ZNF525: variants seen among roughly 807,000 people sequenced by gnomAD.
ZNF525 encodes the protein zinc finger protein 525.
A neutral mutation model predicts 37.6 loss-of-function variants in ZNF525; 33 were observed. The ratio of observed to expected loss-of-function variants is 0.88; its 90% CI spans 0.67 to 1.17. The LOEUF (loss-of-function observed/expected upper bound fraction) is 1.17, where lower values mean the gene tolerates loss of function less well. Among genes scored for constraint, ZNF525 ranks in the 50% most tolerant of loss-of-function variants. The probability of loss-of-function intolerance (pLI) is 0.00; values close to 1 mark genes in which losing one functional copy is unlikely to be tolerated. For synonymous variants in ZNF525, 170 were observed against 182.3 expected, an observed-to-expected ratio of 0.93 and a Z score of 0.54; for missense variants, 449 against 543.1, an observed-to-expected ratio of 0.83 and a Z score of 1.72.
rs2085576655 is a variant in ZNF525, at chr19:53,382,783, T to G, written c.*764T>G. On this transcript the variant is annotated 3_prime_UTR_variant, in exon 4 of 4. Transcript: ENST00000474037. Reference sequence around the variant, plus strand: ...TCAGACATCGTTCATACCTTGCAGTTCACGGGCGAACTCATGCTGGAGAGA... The same window carrying G: ...TCAGACATCGTTCATACCTTGCAGTGCACGGGCGAACTCATGCTGGAGAGA... 9.4e-7 allele frequency: 1 copy of G among 1,063,310 alleles called. No individual in the cohort carries two copies. The highest frequency in any genetic ancestry group is 1.6e-5 in the African/African-American group (1 of 63,772). 65.9% of individuals were successfully genotyped at this position (1,063,310 alleles called of 1,614,324 possible).
In ZNF525 at chr19:53,383,388, G is replaced by A. The variant is rs1479537452; in HGVS notation, c.*1369G>A. ...ACGTCATCATAGAATTCATACTGGA[G>A]AGAAACCTTAGAAATGTGAAGAATG... On this transcript the variant is annotated 3_prime_UTR_variant, in exon 4 of 4. Coordinates refer to ENST00000474037, the MANE Select transcript of ZNF525 (RefSeq NM_001348156.2). The A allele has an allele frequency of 1.7e-6, 2 of 1,146,118 alleles. No homozygotes were observed. Among genetic ancestry groups the A allele is most frequent in the Non-Finnish European group, 1.3e-6 (1 of 794,244 alleles). 71.0% of individuals were successfully genotyped at this position (1,146,118 alleles called of 1,614,324 possible). A position where few individuals can be genotyped will look rare whatever the true frequency, so the allele number is the denominator to read the frequency against.
At position 53,385,126 on chromosome 19, in the gene ZNF525, T is replaced by C. The variant is rs1233712716; in HGVS notation, c.*3107T>C. 2.0e-6 allele frequency: 1 copy of C among 496,456 alleles called. No individual in the cohort carries two copies. The highest frequency in any genetic ancestry group is 3.6e-6 in the Non-Finnish European group (1 of 280,406). The allele number at this position is 496,456 out of a possible 1,614,324, so 30.8% of individuals were successfully genotyped here. On this transcript the variant is annotated 3_prime_UTR_variant, in exon 4 of 4. Coordinates refer to ENST00000474037, the MANE Select transcript of ZNF525 (RefSeq NM_001348156.2). ...CTTGCATCCCAGAAATAACTGGCAC[T>C]TGAATATCTACATTTTTTTAATATC...
At chr19:53,368,971 G>A (rs571002231) in intron 1 of ZNF525, among the ~76,000 whole-genome samples, 25 of 152,262 alleles carry the variant, frequency 1.6e-4, no homozygotes, top group African/African-American at 5.8e-4. Flanking sequence ...GAAGGACAAG[G>A]TGGCATGCAT....
intron 1 of ZNF525, among the ~76,000 whole-genome samples, chr19:53,367,912 C>T (rs1024102657): frequency 2.6e-5 from 4 of 152,102 alleles, no homozygotes; most frequent in Non-Finnish European, 4.4e-5. Flanking sequence ...GCGTGTAAAT[C>T]GGGGTGCGAT....
In ZNF525 at chr19:53,377,098, T is replaced by G. The variant is rs1031153663; in HGVS notation, c.142+1202T>G. On this transcript the variant is annotated intron_variant, in intron 3 of 3. Coordinates refer to ENST00000474037, the MANE Select transcript of ZNF525 (RefSeq NM_001348156.2). ...TGTACAGTGTTTTTTCATGCTTTTT[T>G]CTTCTAAATAATAGGAAAAAAAGTT... Among the ~76,000 whole-genome samples the G allele has an allele frequency of 3.9e-5, 6 of 152,390 alleles. 1 individual carries two copies. The South Asian group carries it at 1.0e-3, about 26-fold the overall frequency.
chr19:53,384,110 T>C lies in ZNF525; in HGVS notation c.*2091T>C. ...CAAACCATCAAGCATTGATTGACAT[T>C]AGAGTCAGTTCAGCATTGACTTGAG... On this transcript the variant is annotated 3_prime_UTR_variant, in exon 4 of 4. Coordinates refer to ENST00000474037, the MANE Select transcript of ZNF525 (RefSeq NM_001348156.2). The C allele has an allele frequency of 2.2e-6, 1 of 446,452 alleles. No individual in the cohort carries two copies. Among genetic ancestry groups the C allele is most frequent in the Non-Finnish European group, 4.5e-6 (1 of 223,848 alleles). 27.7% of individuals were successfully genotyped at this position (446,452 alleles called of 1,614,324 possible).
At chr19:53,370,936 CCTCAT>C (rs1403234923) in intron 1 of ZNF525, among the ~76,000 whole-genome samples, 3 of 152,208 alleles carry the variant, frequency 2.0e-5, no homozygotes, top group African/African-American at 7.2e-5. Context: ...GGGAGCTTGC[CCTCAT>C]CTCATGACTC....
intron 1 of ZNF525, among the ~76,000 whole-genome samples, chr19:53,370,814 T>G (rs1215644511): frequency 6.6e-6 from 1 of 152,222 alleles, no homozygotes; most frequent in African/African-American, 2.4e-5. Flanking sequence ...CGTCAGTCCC[T>G]GGCAGGGAAC....
At chr19:53,376,652 A>C (rs1388798586) in intron 3 of ZNF525, among the ~76,000 whole-genome samples, 1 of 152,006 alleles carries the variant, frequency 6.6e-6, no homozygotes, top group Non-Finnish European at 1.5e-5. Flanking sequence ...ATCTTGGCTC[A>C]CCGCAGCCGG....
At chr19:53,375,999 G>T in intron 3 of ZNF525, 103 bp downstream of exon 3, 1 of 1,587,720 alleles carries the variant, frequency 6.3e-7, no homozygotes, top group Non-Finnish European at 8.5e-7. Flanking sequence ...CAAGGGTGGG[G>T]TGCAATGGTG....
intron 1 of ZNF525, among the ~76,000 whole-genome samples, chr19:53,371,615 C>T (rs1355391071): frequency 6.6e-6 from 1 of 152,148 alleles, no homozygotes; most frequent in Non-Finnish European, 1.5e-5. Context: ...GTAATCCACC[C>T]ACCTTGGCCT....
chr19:53,385,858 A>T lies in ZNF525; in HGVS notation c.*3839A>T, dbSNP rs1465764642. ...CAGTGATGCATGAAGCAGCAGGCAG[A>T]CCTTCCACATCATTTTTACAGAAAA... On this transcript the variant is annotated 3_prime_UTR_variant, in exon 4 of 4. Transcript: ENST00000474037. The T allele has an allele frequency of 6.0e-6, 1 of 165,658 alleles. No individual in the cohort carries two copies. The highest frequency in any genetic ancestry group is 1.8e-4 in the East Asian group (1 of 5,702). The allele number at this position is 165,658 out of a possible 1,614,324, so 10.3% of individuals were successfully genotyped here. A position where few individuals can be genotyped will look rare whatever the true frequency, so the allele number is the denominator to read the frequency against.
chr19:53,381,934 T>C lies in ZNF525; in HGVS notation c.1355T>C (p.Leu452Ser). ...NECGKTFSQE[L>S]SLTCHCRLHS... is the part of the protein sequence containing the mutation. ...TGTGGCAAGACCTTCAGTCAGGAGTTATCCCTTACCTGCCATTGTAGACTT... is the reference window on the plus strand; with the variant it reads ...TGTGGCAAGACCTTCAGTCAGGAGTCATCCCTTACCTGCCATTGTAGACTT... Residue 452 changes from leucine (L) to serine (S), a missense_variant, in exon 4 of 4, where the codon TTA (leucine) becomes TCA (serine). Transcript: ENST00000474037. 1.0e-6 allele frequency: 1 copy of C among 956,474 alleles called. No homozygotes were observed. Among genetic ancestry groups the C allele is most frequent in the Non-Finnish European group, 1.7e-6 (1 of 580,482 alleles). 59.2% of individuals were successfully genotyped at this position (956,474 alleles called of 1,614,324 possible).
chr19:53,366,606 A>G (rs143285125), intron 1 of ZNF525, among the ~76,000 whole-genome samples: 1 of 150,902 alleles, frequency 6.6e-6, no homozygotes, highest in African/African-American at 2.5e-5. Flanking sequence ...GAAAAGCTAG[A>G]TGTACAGAGA....
At position 53,383,638 on chromosome 19, in the gene ZNF525, A is replaced by G; in HGVS notation, c.*1619A>G. The G allele has an allele frequency of 8.6e-7, 1 of 1,157,504 alleles. No homozygotes were observed. Among genetic ancestry groups the G allele is most frequent in the Non-Finnish European group, 1.2e-6 (1 of 825,498 alleles). The allele number at this position is 1,157,504 out of a possible 1,614,324, so 71.7% of individuals were successfully genotyped here. ...TTCACCATCAGGCAATCCGTAGTGT[A>G]GGGAAACTTGACTAACGTAATGATT... On this transcript the variant is annotated 3_prime_UTR_variant, in exon 4 of 4. Transcript: ENST00000474037.
Position 53,382,597 on chromosome 19 carries a change from GCAGT to G in ZNF525, c.*582_*585del. The G allele has an allele frequency of 1.5e-6, 1 of 662,288 alleles. No individual in the cohort carries two copies. Among genetic ancestry groups the G allele is most frequent in the Non-Finnish European group, 2.8e-6 (1 of 353,386 alleles). 41.0% of individuals were successfully genotyped at this position (662,288 alleles called of 1,614,324 possible). On this transcript the variant is annotated 3_prime_UTR_variant, in exon 4 of 4. Transcript: ENST00000474037. ...ATGAGTGTGGCAAAACCTTTCATAG[GCAGT>G]CAGCGCTTATTTACCATCAAGCAAT... is the stretch of plus-strand genomic sequence containing the variant.
At chr19:53,376,078 A>G in intron 3 of ZNF525, 182 bp downstream of exon 3, 1 of 1,318,412 alleles carries the variant, frequency 7.6e-7, no homozygotes, top group Middle Eastern at 1.9e-4. Flanking sequence ...CTCCCCTCGT[A>G]GTGGTACAGG....
rs1272118075 is a variant in ZNF525 at position 53,383,235 on chromosome 19, A to T, written c.*1216A>T. The T allele has an allele frequency of 9.1e-6, 13 of 1,432,480 alleles. No homozygotes were observed. Among genetic ancestry groups the T allele is most frequent in the Non-Finnish European group, 1.2e-5 (12 of 1,042,346 alleles). The allele number at this position is 1,432,480 out of a possible 1,614,324, so 88.7% of individuals were successfully genotyped here. A position where few individuals can be genotyped will look rare whatever the true frequency, so the allele number is the denominator to read the frequency against. On this transcript the variant is annotated 3_prime_UTR_variant, in exon 4 of 4. Transcript: ENST00000474037. Reference sequence around the variant, plus strand: ...ACAATTCACACTGGGGAGAAACCTTACAAGTGTAATGAGTGTGGCAAAACC... The same window carrying T: ...ACAATTCACACTGGGGAGAAACCTTTCAAGTGTAATGAGTGTGGCAAAACC...
At chr19:53,372,083 T>C (rs925344516) in intron 1 of ZNF525, 132 bp from the exon 2 acceptor site, 3 of 449,056 alleles carry the variant, frequency 6.7e-6, no homozygotes, top group Non-Finnish European at 1.2e-5. Context: ...TTATTGTACC[T>C]GGTACCTGGT....
Sources: gnomAD v4.1 joint callset for allele counts (sites outside exome capture counted in the v4.1 genomes callset) on GRCh38, gnomAD v4.1.1 for gene constraint, MANE v1.5 for transcripts, NCBI Gene and HGNC (gene_info 2026-07-23, HGNC 2026-07-21) for gene names.